WASHC4: variants seen among roughly 807,000 people sequenced by gnomAD.
WASHC4 encodes the protein WASH complex subunit 4.
In WASHC4, 86 loss-of-function variants were observed where a neutral mutation model predicts 166.6. The ratio of observed to expected loss-of-function variants is 0.52; its 90% CI spans 0.43 to 0.62. WASHC4 has a LOEUF of 0.62. WASHC4 is among the 20% of genes least tolerant of loss of function. The pLI is 0.00. For missense variants in WASHC4, 1,262 were observed against 1,382.4 expected, an observed-to-expected ratio of 0.91 and a Z score of 1.38; for synonymous variants, 446 against 451.6, an observed-to-expected ratio of 0.99 and a Z score of 0.16.
At chr12:105,166,731 A>G (rs1884831109) in intron 32 of WASHC4, 133 bp from the exon 33 acceptor site, 1 of 688,340 alleles carries the variant, frequency 1.5e-6, no homozygotes, top group East Asian at 2.8e-5. Context: ...TTGTGATGTT[A>G]GAGAAACATT....
At chr12:105,125,977 A>G (rs1230899154) in intron 10 of WASHC4, 27 bp from the exon 11 acceptor site, 1 of 1,603,816 alleles carries the variant, frequency 6.2e-7, no homozygotes, top group Non-Finnish European at 8.5e-7. Context: ...GAGAGTCTGA[A>G]TTTCTCTTTC....
Position 105,166,960 on chromosome 12 carries a change from G to A in WASHC4, c.*29G>A, listed in dbSNP as rs1884847933. ...GGATGGTATTCACTGCACATATGAT[G>A]AAATCATCAGAATTGTTAAAACTTT... On this transcript the variant is annotated 3_prime_UTR_variant, in exon 33 of 33. Transcript: ENST00000332180. The A allele has an allele frequency of 4.1e-6, 6 of 1,455,166 alleles. No homozygotes were observed. The highest frequency in any genetic ancestry group is 5.8e-6 in the Non-Finnish European group (6 of 1,042,242). 90.1% of individuals were successfully genotyped at this position (1,455,166 alleles called of 1,614,324 possible). A position where few individuals can be genotyped will look rare whatever the true frequency, so the allele number is the denominator to read the frequency against.
rs189722467 is a variant in WASHC4 at position 105,115,826 on chromosome 12, G to T, written c.435+98G>T. On this transcript the variant is annotated intron_variant, in intron 6 of 32. Transcript: ENST00000332180. ...TCTGAAACCTTCAAATACTAAAGATGTGTACTCTGAGGATAAGACACTTAA... is the reference window on the plus strand; with the variant it reads ...TCTGAAACCTTCAAATACTAAAGATTTGTACTCTGAGGATAAGACACTTAA... The T allele has an allele frequency of 7.1e-3, 5,638 of 789,996 alleles. 35 individuals carry two copies. The highest frequency in any genetic ancestry group is 9.6e-3 in the Non-Finnish European group (4,209 of 438,130). 48.9% of individuals were successfully genotyped at this position (789,996 alleles called of 1,614,324 possible).
intron 24 of WASHC4, chr12:105,148,850 T>C (rs1256519068): frequency 5.1e-6 from 5 of 985,214 alleles, no homozygotes; most frequent in Non-Finnish European, 6.0e-6. Context: ...AATTAATCTT[T>C]TGCTATTTCC....
Position 105,144,700 on chromosome 12 carries a change from ATTT to A in WASHC4, c.2180-8_2180-6del. On this transcript the variant is annotated splice_polypyrimidine_tract_variant and intron_variant, in intron 21 of 32. Coordinates refer to ENST00000332180, the MANE Select transcript of WASHC4 (RefSeq NM_015275.3). Reference sequence around the variant, plus strand: ...CCTTTTCTACTGTTTCACAAGTTGAATTTTTTTTTTTTGGTAGCTTACGTAACT... The same window carrying A: ...CCTTTTCTACTGTTTCACAAGTTGAATTTTTTTTTGGTAGCTTACGTAACT... The A allele has an allele frequency of 8.3e-7, 1 of 1,200,916 alleles. No individual in the cohort carries two copies. The highest frequency in any genetic ancestry group is 1.2e-6 in the Non-Finnish European group (1 of 862,868). The allele number at this position is 1,200,916 out of a possible 1,614,324, so 74.4% of individuals were successfully genotyped here. A position where few individuals can be genotyped will look rare whatever the true frequency, so the allele number is the denominator to read the frequency against.
At position 105,157,238 on chromosome 12, in the gene WASHC4, T is replaced by G; in HGVS notation, c.2828T>G (p.Phe943Cys). 1 of 1,473,958 alleles carries G rather than the reference T, an allele frequency of 6.8e-7. No individual in the cohort carries two copies. The highest frequency in any genetic ancestry group is 9.5e-7 in the Non-Finnish European group (1 of 1,055,440). 91.3% of individuals were successfully genotyped at this position (1,473,958 alleles called of 1,614,324 possible). A position where few individuals can be genotyped will look rare whatever the true frequency, so the allele number is the denominator to read the frequency against. The change falls in exon 28 of 33, where the codon TTT becomes TGT. Residue 943 changes from phenylalanine to cysteine, a missense_variant and splice_region_variant. Transcript: ENST00000332180. ...GLHCSSNAIR[F>C]VPDLEDIVNF... ...TGCCTTCCCAAATTCTTATGTAGATTTGTTCCTGATCTTGAAGATATTGTA... is the reference window on the plus strand; with the variant it reads ...TGCCTTCCCAAATTCTTATGTAGATGTGTTCCTGATCTTGAAGATATTGTA...
At chr12:105,146,399 A>T in intron 22 of WASHC4, 53 bp from the exon 23 acceptor site, 2 of 1,054,568 alleles carry the variant, frequency 1.9e-6, no homozygotes, top group Non-Finnish European at 3.0e-6. Context: ...ATACAAGTTT[A>T]ACTGATTATT....
intron 32 of WASHC4, among the ~76,000 whole-genome samples, chr12:105,165,923 TGG>T (rs1219998808): frequency 6.6e-6 from 1 of 152,214 alleles, no homozygotes; most frequent in East Asian, 1.9e-4. Flanking sequence ...CAAAGCCATT[TGG>T]AAGAATTTGA....
chr12:105,156,889 G>T, intron 27 of WASHC4, 97 bp downstream of exon 27: 1 of 919,724 alleles, frequency 1.1e-6, no homozygotes, highest in Non-Finnish European at 1.8e-6. Flanking sequence ...TAAGGTGTTT[G>T]TTCTTGATAT....
chr12:105,143,617 A>G (rs1566017902), intron 20 of WASHC4, among the ~76,000 whole-genome samples: 1 of 152,048 alleles, frequency 6.6e-6, no homozygotes, highest in Non-Finnish European at 1.5e-5. Flanking sequence ...AGAGAAGGAA[A>G]TTATATATTT....
intron 10 of WASHC4, among the ~76,000 whole-genome samples, 154 bp from the exon 11 acceptor site, chr12:105,125,850 A>G (rs1592860632): frequency 6.6e-6 from 1 of 152,022 alleles, no homozygotes; most frequent in South Asian, 2.1e-4. Context: ...AGATCTAAAT[A>G]TTAGATTAGA....
rs373193694 is a variant in WASHC4, at chr12:105,146,687, A to G, written c.2409+161A>G. On this transcript the variant is annotated intron_variant, in intron 23 of 32. Coordinates refer to ENST00000332180, the MANE Select transcript of WASHC4 (RefSeq NM_015275.3). ...TTTGCCTTGATTATACCAGTTGTGT[A>G]TCTTTTATTCGAAATGTTTAGGACA... 4.7e-4 allele frequency among the ~76,000 whole-genome samples: 71 copies of G among 152,206 alleles called. No homozygotes were observed. In the East Asian group the frequency reaches 0.012, roughly 25 times the overall value.
rs768777661 is a variant in WASHC4, at chr12:105,122,261, G to GT, written c.786+24dup. 4 of 1,608,448 alleles carry GT rather than the reference G, an allele frequency of 2.5e-6. No individual in the cohort carries two copies. In the Admixed American group the frequency reaches 5.0e-5, roughly 20 times the overall value. ...CAGGTAAGTAGGTCTGTATCAGACT[G>GT]TAACAGTGGGGCTCATATTAGACGA... On this transcript the variant is annotated intron_variant, in intron 10 of 32. Transcript: ENST00000332180.
Position 105,141,228 on chromosome 12 carries a change from T to C in WASHC4, c.1769T>C (p.Ile590Thr), listed in dbSNP as rs571244524. 1.9e-6 allele frequency: 3 copies of C among 1,608,176 alleles called. No individual in the cohort carries two copies. Among genetic ancestry groups the C allele is most frequent in the East Asian group, 2.2e-5 (1 of 44,848 alleles). The change falls in exon 18 of 33, where the codon ATT becomes ACT. Residue 590 changes from isoleucine (I) to threonine (T), a missense_variant. Transcript: ENST00000332180. ...GTAGTCATGAAAAAACTGGATCTTA[T>C]TAGTGAACTTAGAGAACGGTAAGTA... ...LQVVMKKLDL[I>T]SELRERVQTQ... is the part of the protein sequence containing the mutation.
rs1028418895 is a variant in WASHC4, at chr12:105,149,712, G to A, written c.2612G>A (p.Arg871Gln). The change falls in exon 25 of 33, where the codon CGA becomes CAA. Residue 871 changes from arginine to glutamine, a missense_variant. Transcript: ENST00000332180. ...HIKSRLIKDI[R>Q]FFREIKDQND... is the part of the protein sequence containing the mutation. ...AAATCCAGATTGATTAAAGATATTC[G>A]ATTTTTCAGGGAAATTAAGGACCAA... 7 of 1,587,198 alleles carry A rather than the reference G, an allele frequency of 4.4e-6. No homozygotes were observed. The highest frequency in any genetic ancestry group is 4.0e-5 in the African/African-American group (3 of 74,316).
chr12:105,126,274 G>T lies in WASHC4; in HGVS notation c.950G>T (p.Gly317Val). The T allele has an allele frequency of 6.2e-7, 1 of 1,611,746 alleles. No homozygotes were observed. Reference sequence around the variant, plus strand: ...ATTGACCAGAGAGACAAGTATGTTGGAATTTGTGGACTCTTTGTATTGCAC... The same window carrying T: ...ATTGACCAGAGAGACAAGTATGTTGTAATTTGTGGACTCTTTGTATTGCAC... ...SEIDQRDKYV[G>V]ICGLFVLHFQ... Residue 317 changes from glycine to valine, a missense_variant, in exon 12 of 33, where the codon GGA becomes GTA. Transcript: ENST00000332180.
At chr12:105,152,194 T>G (rs780358922) in intron 25 of WASHC4, 149 bp from the exon 26 acceptor site, 52 of 606,714 alleles carry the variant, frequency 8.6e-5, no homozygotes, top group Non-Finnish European at 1.4e-4. Flanking sequence ...CCTTGAACAT[T>G]GGTAGTGTAT....
chr12:105,131,127 T>TGC (rs1566007184), intron 13 of WASHC4, among the ~76,000 whole-genome samples: 4 of 149,416 alleles, frequency 2.7e-5, no homozygotes, highest in African/African-American at 7.4e-5. Context: ...TCTCCCAGGT[T>TGC]GGACTGCGGA....
chr12:105,108,567 G>C (rs1370255920), intron 1 of WASHC4, among the ~76,000 whole-genome samples: 2 of 152,140 alleles, frequency 1.3e-5, no homozygotes, highest in Non-Finnish European at 2.9e-5. Context: ...TTTTAACTTA[G>C]AAGTCTATCC....
Sources: allele counts gnomAD v4.1 joint callset (sites outside exome capture counted in the v4.1 genomes callset), GRCh38; gene constraint gnomAD v4.1.1; transcripts MANE v1.5; gene names NCBI Gene and HGNC (gene_info 2026-07-23, HGNC 2026-07-21).